EYS: variants seen among roughly 807,000 people sequenced by gnomAD.
EYS encodes the protein protein eyes shut homolog.
A neutral mutation model predicts 282.1 loss-of-function variants in EYS; 250 were observed. The observed-to-expected ratio is 0.89, with a 90% CI of 0.80 to 0.98. The LOEUF is 0.98. EYS is among the 50% of genes least tolerant of loss of function. The probability of loss-of-function intolerance (pLI) is 0.00; values close to 1 mark genes in which losing one functional copy is unlikely to be tolerated. For synonymous variants in EYS, 1,355 were observed against 1,282.9 expected (o/e 1.06, Z -1.20); for missense variants, 4,016 against 3,709.0 (o/e 1.08, Z -2.15).
At chr6:65,688,962 G>A (rs1395192458) in intron 1 of EYS, among the ~76,000 whole-genome samples, 3 of 151,308 alleles carry the variant, frequency 2.0e-5, no homozygotes, top group Non-Finnish European at 4.4e-5. Flanking sequence ...GGAAGTCAAT[G>A]TGGCGATTCC....
intron 33 of EYS, among the ~76,000 whole-genome samples, chr6:64,022,107 A>G: frequency 6.6e-6 from 1 of 152,246 alleles, no homozygotes; most frequent in Non-Finnish European, 1.5e-5. Flanking sequence ...TCCTACAAAC[A>G]GAATTGCCAA....
At chr6:64,073,299 G>A (rs1476139290) in intron 32 of EYS, among the ~76,000 whole-genome samples, 17 of 151,804 alleles carry the variant, frequency 1.1e-4, no homozygotes, top group Non-Finnish European at 1.5e-5. Flanking sequence ...AGGTGGGAAA[G>A]TAGAGGATCT....
intron 26 of EYS, among the ~76,000 whole-genome samples, chr6:64,519,058 G>A (rs1409755631): frequency 6.6e-6 from 1 of 151,788 alleles, no homozygotes; most frequent in Non-Finnish European, 1.5e-5. Flanking sequence ...ATGTACTTTA[G>A]TTATTAAATC....
chr6:65,138,281 T>C (rs1369439345), intron 12 of EYS, among the ~76,000 whole-genome samples: 4 of 152,076 alleles, frequency 2.6e-5, no homozygotes, highest in African/African-American at 7.2e-5. Flanking sequence ...AGTTAAATGA[T>C]AATATAGAAT....
At chr6:64,595,528 A>G (rs562873710) in intron 24 of EYS, among the ~76,000 whole-genome samples, 1 of 152,302 alleles carries the variant, frequency 6.6e-6, no homozygotes, top group African/African-American at 2.4e-5. Context: ...AATCTTATAT[A>G]TAGAAAAACC....
intron 15 of EYS, among the ~76,000 whole-genome samples, chr6:64,942,493 G>T (rs1329976709): frequency 7.0e-6 from 1 of 143,288 alleles, no homozygotes; most frequent in Non-Finnish European, 1.5e-5. Context: ...AAGAAAAAAC[G>T]ACAGAAGATC....
chr6:63,788,986 G>A, intron 38 of EYS, 72 bp downstream of exon 38: 1 of 1,461,634 alleles, frequency 6.8e-7, no homozygotes, highest in Non-Finnish European at 9.2e-7. Context: ...ATTCACCTCT[G>A]TATCTTAGCA....
chr6:65,319,306 G>C (rs796190975), intron 11 of EYS, among the ~76,000 whole-genome samples: 1 of 149,622 alleles, frequency 6.7e-6, no homozygotes, highest in South Asian at 2.1e-4. Flanking sequence ...CTTTAACCCA[G>C]GAAGCGGAGG....
intron 13 of EYS, among the ~76,000 whole-genome samples, chr6:65,053,013 A>C (rs1050986099): frequency 6.6e-6 from 1 of 151,820 alleles, no homozygotes; most frequent in Non-Finnish European, 1.5e-5. Context: ...CTATTTTTGG[A>C]GGATCTGTAA....
At chr6:64,560,814 A>ATAAG (rs1400584916) in intron 26 of EYS, among the ~76,000 whole-genome samples, 1 of 152,148 alleles carries the variant, frequency 6.6e-6, no homozygotes, top group Non-Finnish European at 1.5e-5. Flanking sequence ...TACTAATGAG[A>ATAAG]TAAGTGCAGA....
intron 35 of EYS, among the ~76,000 whole-genome samples, chr6:63,955,700 G>T (rs1765786487): frequency 6.6e-6 from 1 of 151,964 alleles, no homozygotes; most frequent in Non-Finnish European, 1.5e-5. Flanking sequence ...AAATCAATCT[G>T]GCCTGGTATA....
chr6:65,229,314 T>G (rs1766708811), intron 12 of EYS, among the ~76,000 whole-genome samples: 1 of 151,856 alleles, frequency 6.6e-6, no homozygotes, highest in African/African-American at 2.4e-5. Context: ...TAGACAGTAA[T>G]TTTTAGAAAA....
intron 26 of EYS, among the ~76,000 whole-genome samples, chr6:64,569,222 A>G (rs1431529974): frequency 6.6e-6 from 1 of 151,954 alleles, no homozygotes; most frequent in Non-Finnish European, 1.5e-5. Flanking sequence ...TTCTAACCCA[A>G]TGAAAGGAAG....
intron 36 of EYS, among the ~76,000 whole-genome samples, chr6:63,818,294 TG>T (rs1771233872): frequency 6.6e-6 from 1 of 152,216 alleles, no homozygotes; most frequent in Non-Finnish European, 1.5e-5. Flanking sequence ...TGATTTCTCT[TG>T]GTGACAAAGT....
chr6:65,319,939 AT>A (rs67842370), intron 11 of EYS, among the ~76,000 whole-genome samples: 16,792 of 151,590 alleles, frequency 0.11, 1,409 homozygotes, highest in African/African-American at 0.24. Context: ...TTCAAGAAAA[AT>A]TTTCTGTTTG....
chr6:65,643,335 T>TG (rs2149814595), intron 1 of EYS, among the ~76,000 whole-genome samples: 1 of 152,240 alleles, frequency 6.6e-6, no homozygotes, highest in African/African-American at 2.4e-5. Context: ...ATAACTCCAT[T>TG]GGCCTGGGAA....
intron 22 of EYS, among the ~76,000 whole-genome samples, chr6:64,676,079 T>TAGAG (rs201503839): frequency 6.8e-6 from 1 of 147,074 alleles, no homozygotes; most frequent in East Asian, 2.0e-4. Flanking sequence ...TATAGATAGA[T>TAGAG]AGAGAGAGAG....
intron 14 of EYS, among the ~76,000 whole-genome samples, chr6:64,974,284 G>A (rs916302394): frequency 1.3e-5 from 2 of 151,724 alleles, no homozygotes; most frequent in South Asian, 4.1e-4. Context: ...AAGACTATTG[G>A]GTTAACTTAC....
chr6:64,118,413 C>A (rs1172417069), intron 31 of EYS, among the ~76,000 whole-genome samples: 1 of 151,970 alleles, frequency 6.6e-6, no homozygotes, highest in Non-Finnish European at 1.5e-5. Context: ...TTTTTGACAG[C>A]AGCTCCAAGA....
Sources: allele counts gnomAD v4.1 joint callset (sites outside exome capture counted in the v4.1 genomes callset), GRCh38; gene constraint gnomAD v4.1.1; transcripts MANE v1.5; gene names NCBI Gene and HGNC (gene_info 2026-07-23, HGNC 2026-07-21).